The following CDH8 variants were observed in gnomAD, a reference collection of about 807,000 sequenced individuals.
CDH8 encodes cadherin 8.
In CDH8, 17 loss-of-function variants were observed where a neutral mutation model predicts 68.1. That is an observed-to-expected ratio of 0.25 (90% CI 0.17 to 0.37). The LOEUF (loss-of-function observed/expected upper bound fraction) is 0.37. Among genes scored for constraint, CDH8 ranks in the 10% least tolerant of loss-of-function variants. The probability of loss-of-function intolerance (pLI) is 1.00; values close to 1 mark genes in which losing one functional copy is unlikely to be tolerated. For synonymous variants in CDH8, 372 were observed against 365.1 expected (o/e 1.02, Z -0.21); for missense variants, 763 against 999.3 (o/e 0.76, Z 3.19).
chr16:61,778,049 G>C (rs999651909), intron 8 of CDH8, among the ~76,000 whole-genome samples: 1 of 152,066 alleles, frequency 6.6e-6, no homozygotes, highest in South Asian at 2.1e-4. Flanking sequence ...TCCCAGACAG[G>C]CTTATCAGTC....
rs1902073619 is a variant in CDH8 at position 62,021,445 on chromosome 16, T to A, written c.-42A>T. On this transcript the variant is annotated 5_prime_UTR_variant, in exon 2 of 12. An upstream open reading frame in the 5' UTR loses its in-frame stop. Coordinates refer to ENST00000577390, the MANE Select transcript of CDH8 (RefSeq NM_001796.5). ...CAAATCACCACGAAAATGAGACAATTATTTTTTTTGTCTCCGGTCTGCAGC... is the reference window on the plus strand; with the variant it reads ...CAAATCACCACGAAAATGAGACAATAATTTTTTTTGTCTCCGGTCTGCAGC... 5 of 1,566,246 alleles carry A rather than the reference T, an allele frequency of 3.2e-6. No homozygotes were observed.
intron 10 of CDH8, among the ~76,000 whole-genome samples, chr16:61,689,732 A>C (rs1274755430): frequency 6.6e-6 from 1 of 152,064 alleles, no homozygotes; most frequent in Non-Finnish European, 1.5e-5. Context: ...AGTGATGATA[A>C]GAATAGCCAG....
At chr16:61,697,086 C>CTAAAGGTTGTAGAAA (rs1964340398) in intron 10 of CDH8, among the ~76,000 whole-genome samples, 1 of 152,048 alleles carries the variant, frequency 6.6e-6, no homozygotes, top group Non-Finnish European at 1.5e-5. Flanking sequence ...TCCTCTGAAC[C>CTAAAGGTTGTAGAAA]TAAAATAAAG....
In CDH8 at chr16:61,650,700, T is replaced by TGA. The variant is rs1225748170; in HGVS notation, c.*2907_*2908insTC. The stretch of plus-strand genomic sequence containing the variant: ...GTGTGTGTGTGTGTGTGTGTGTGTG[T>TGA]GTGTGTGAGAGAGAGAGAGAGAGAG... On this transcript the variant is annotated 3_prime_UTR_variant, in exon 12 of 12. Transcript: ENST00000577390. 1.1e-4 allele frequency: 11 copies of TGA among 95,946 alleles called. No individual in the cohort carries two copies. Among genetic ancestry groups the TGA allele is most frequent in the African/African-American group, 5.3e-4 (11 of 20,744 alleles). 5.9% of individuals were successfully genotyped at this position (95,946 alleles called of 1,614,324 possible). A position where few individuals can be genotyped will look rare whatever the true frequency, so the allele number is the denominator to read the frequency against.
At chr16:61,966,865 G>C (rs1408026302) in intron 2 of CDH8, among the ~76,000 whole-genome samples, 2 of 152,084 alleles carry the variant, frequency 1.3e-5, no homozygotes, top group African/African-American at 2.4e-5. Context: ...TCATTTATTA[G>C]CTAAAGCAAC....
chr16:62,030,572 TCCTC>T (rs1413269623), intron 1 of CDH8, among the ~76,000 whole-genome samples: 1 of 152,298 alleles, frequency 6.6e-6, no homozygotes, highest in Middle Eastern at 3.4e-3. Context: ...TTTATACCAT[TCCTC>T]CATCTACTTA....
intron 10 of CDH8, among the ~76,000 whole-genome samples, chr16:61,659,153 T>C (rs779666124): frequency 3.3e-5 from 5 of 152,298 alleles, no homozygotes; most frequent in African/African-American, 4.8e-5. Context: ...GAAAAGGAGC[T>C]CTACAGATGT....
At chr16:61,985,529 G>A (rs1555527228) in intron 2 of CDH8, among the ~76,000 whole-genome samples, 1 of 152,200 alleles carries the variant, frequency 6.6e-6, no homozygotes, top group Non-Finnish European at 1.5e-5. Flanking sequence ...TTTCACTCTT[G>A]TTGCCCAGGC....
chr16:61,694,093 G>C (rs569885397), intron 10 of CDH8, among the ~76,000 whole-genome samples: 8 of 152,308 alleles, frequency 5.3e-5, no homozygotes, highest in African/African-American at 1.9e-4. Context: ...GAAAGTGGCA[G>C]AGTGAGGAAT....
chr16:61,929,598 T>G (rs1347866773), intron 2 of CDH8, among the ~76,000 whole-genome samples: 1 of 152,076 alleles, frequency 6.6e-6, no homozygotes, highest in East Asian at 1.9e-4. Context: ...ATCAACAAAT[T>G]GATACAAGAC....
Position 61,650,531 on chromosome 16 carries a change from T to C in CDH8, c.*3077A>G, listed in dbSNP as rs921189682. On this transcript the variant is annotated 3_prime_UTR_variant, in exon 12 of 12. Coordinates refer to ENST00000577390, the MANE Select transcript of CDH8 (RefSeq NM_001796.5). The stretch of plus-strand genomic sequence containing the variant: ...TTTCAATAAAGTTTTTAAAATGTGT[T>C]ATTTAACAAATTGAGCATGGGATAC... 1 of 152,140 alleles carries C rather than the reference T, an allele frequency of 6.6e-6. No individual in the cohort carries two copies. Among genetic ancestry groups the C allele is most frequent in the African/African-American group, 2.4e-5 (1 of 41,426 alleles). 9.4% of individuals were successfully genotyped at this position (152,140 alleles called of 1,614,324 possible). A position where few individuals can be genotyped will look rare whatever the true frequency, so the allele number is the denominator to read the frequency against.
chr16:61,998,400 A>G (rs549628301), intron 2 of CDH8, among the ~76,000 whole-genome samples: 1 of 152,296 alleles, frequency 6.6e-6, no homozygotes, highest in East Asian at 1.9e-4. Context: ...TGGAGATTCA[A>G]AGAGATCAGG....
chr16:61,647,980 A>G lies in CDH8; in HGVS notation c.*5628T>C. ...TTCAAGATGTGAATTAGATGGTGGC[A>G]GGTAACTCAAGTTGGGGAAATAGTA... On this transcript the variant is annotated 3_prime_UTR_variant, in exon 12 of 12. Coordinates refer to ENST00000577390, the MANE Select transcript of CDH8 (RefSeq NM_001796.5). 5 of 627,580 alleles carry G rather than the reference A, an allele frequency of 8.0e-6. No homozygotes were observed. Among genetic ancestry groups the G allele is most frequent in the South Asian group, 7.3e-5 (4 of 54,652 alleles). The allele number at this position is 627,580 out of a possible 1,614,324, so 38.9% of individuals were successfully genotyped here.
At chr16:61,886,687 C>T (rs116728388) in intron 3 of CDH8, among the ~76,000 whole-genome samples, 28 of 152,282 alleles carry the variant, frequency 1.8e-4, no homozygotes, top group African/African-American at 5.5e-4. Flanking sequence ...CCCACCTCTG[C>T]GGGTCCTGGC....
At chr16:61,867,891 C>T (rs967269623) in intron 3 of CDH8, among the ~76,000 whole-genome samples, 10 of 152,202 alleles carry the variant, frequency 6.6e-5, no homozygotes, top group African/African-American at 2.4e-4. Context: ...AGATTTTCCC[C>T]TTTTAGACTA....
intron 2 of CDH8, among the ~76,000 whole-genome samples, chr16:61,939,368 C>T (rs748395171): frequency 3.9e-5 from 6 of 152,062 alleles, no homozygotes; most frequent in Admixed American, 2.0e-4. Context: ...GATTAATACC[C>T]GCAGACATCG....
At chr16:62,034,190 C>CAA (rs2150625598) in intron 1 of CDH8, among the ~76,000 whole-genome samples, 1 of 114,422 alleles carries the variant, frequency 8.7e-6, no homozygotes, top group Non-Finnish European at 1.8e-5. Flanking sequence ...ATCTCTCTCT[C>CAA]AAACACACAC....
At chr16:61,683,630 T>C (rs1243222896) in intron 10 of CDH8, among the ~76,000 whole-genome samples, 1 of 152,030 alleles carries the variant, frequency 6.6e-6, no homozygotes, top group Non-Finnish European at 1.5e-5. Flanking sequence ...TTAAGTCTTT[T>C]TCTGGAGGGG....
At chr16:61,977,350 A>C (rs1002116159) in intron 2 of CDH8, among the ~76,000 whole-genome samples, 1 of 152,204 alleles carries the variant, frequency 6.6e-6, no homozygotes, top group African/African-American at 2.4e-5. Context: ...TAGGGGAAAC[A>C]GTACTATAAT....
Sources: gnomAD v4.1 joint callset for allele counts (sites outside exome capture counted in the v4.1 genomes callset) on GRCh38, gnomAD v4.1.1 for gene constraint, MANE v1.5 for transcripts, NCBI Gene and HGNC (gene_info 2026-07-23, HGNC 2026-07-21) for gene names.